The following MYO1B variants were observed in gnomAD, a reference collection of about 807,000 sequenced individuals.
The protein encoded by MYO1B is myosin IB.
A neutral mutation model predicts 159.7 loss-of-function variants in MYO1B; 72 were observed. The observed-to-expected ratio is 0.45, with a 90% CI of 0.37 to 0.55. The LOEUF (loss-of-function observed/expected upper bound fraction) is 0.55, where lower values mean the gene tolerates loss of function less well. Ranked by LOEUF, MYO1B falls within the 20% of genes least tolerant of loss-of-function variation. The pLI is 0.00. For missense variants in MYO1B, 1,062 were observed against 1,364.8 expected, an observed-to-expected ratio of 0.78 and a Z score of 3.50; for synonymous variants, 468 against 473.8, an observed-to-expected ratio of 0.99 and a Z score of 0.16.
At chr2:191,423,679 A>G (rs185014895) in intron 30 of MYO1B, among the ~76,000 whole-genome samples, 158 bp from the exon 31 acceptor site, 33 of 152,326 alleles carry the variant, frequency 2.2e-4, no homozygotes, top group Admixed American at 2.0e-4. Context: ...AGTGCTTTAA[A>G]CATTTCAGAG....
At chr2:191,357,023 T>C (rs1245903635) in intron 7 of MYO1B, among the ~76,000 whole-genome samples, 1 of 152,190 alleles carries the variant, frequency 6.6e-6, no homozygotes, top group African/African-American at 2.4e-5. Flanking sequence ...GATTTTTTCG[T>C]AATTAGCCTT....
At chr2:191,422,285 A>T (rs1255662789) in intron 30 of MYO1B, among the ~76,000 whole-genome samples, 1 of 152,136 alleles carries the variant, frequency 6.6e-6, no homozygotes. Flanking sequence ...GAACTGGAAG[A>T]CCTGGTTTCT....
At chr2:191,293,199 G>T (rs917084791) in intron 2 of MYO1B, among the ~76,000 whole-genome samples, 3 of 152,216 alleles carry the variant, frequency 2.0e-5, no homozygotes, top group Non-Finnish European at 4.4e-5. Context: ...GTCACAGGGA[G>T]AAATTCCAAT....
chr2:191,395,936 A>T (rs1696045993), intron 20 of MYO1B, among the ~76,000 whole-genome samples: 1 of 152,210 alleles, frequency 6.6e-6, no homozygotes, highest in African/African-American at 2.4e-5. Context: ...TATTTAATTG[A>T]TTGATAGCAG....
intron 21 of MYO1B, among the ~76,000 whole-genome samples, chr2:191,397,947 C>G (rs1375027641): frequency 1.3e-4 from 2 of 15,204 alleles, no homozygotes; most frequent in Non-Finnish European, 1.2e-4. Context: ...CCGGGCGGGC[C>G]GACCCCCCCA....
chr2:191,388,317 C>G (rs975277182), intron 17 of MYO1B: 1 of 150,856 alleles, frequency 6.6e-6, no homozygotes, highest in Non-Finnish European at 1.5e-5. Context: ...GGGCTCTTCT[C>G]TTTTTCTGCT....
chr2:191,258,195 A>G (rs1253461090), intron 1 of MYO1B, among the ~76,000 whole-genome samples: 1 of 152,236 alleles, frequency 6.6e-6, no homozygotes, highest in African/African-American at 2.4e-5. Flanking sequence ...AGCCAACACA[A>G]GTATAGCCAA....
At chr2:191,245,893 C>T (rs1042013204) in intron 1 of MYO1B, 3 of 152,406 alleles carry the variant, frequency 2.0e-5, no homozygotes, top group Middle Eastern at 3.4e-3. Flanking sequence ...CTAAGTTGCT[C>T]TTACTTTGCC....
At chr2:191,397,766 C>T (rs1696226945) in intron 21 of MYO1B, among the ~76,000 whole-genome samples, 1 of 145,116 alleles carries the variant, frequency 6.9e-6, no homozygotes, top group Admixed American at 6.7e-5. Context: ...CCAGTAGGGG[C>T]GGCCGGGCAG....
At chr2:191,407,902 A>C in intron 24 of MYO1B, 1 of 380,588 alleles carries the variant, frequency 2.6e-6, no homozygotes, top group Non-Finnish European at 4.7e-6. Context: ...TAAAACATCA[A>C]TTCATGCTGG....
At chr2:191,318,239 G>A (rs1435229261) in intron 3 of MYO1B, among the ~76,000 whole-genome samples, 1 of 152,196 alleles carries the variant, frequency 6.6e-6, no homozygotes, top group Non-Finnish European at 1.5e-5. Context: ...CCAGGGAAAT[G>A]AGCCAGGAAA....
chr2:191,344,164 T>G (rs1355165923), intron 5 of MYO1B, among the ~76,000 whole-genome samples: 1 of 152,156 alleles, frequency 6.6e-6, no homozygotes, highest in Non-Finnish European at 1.5e-5. Context: ...GTTAGCTAAC[T>G]TGGCAGCCCT....
chr2:191,395,209 TTCTAC>T (rs1227696481), intron 20 of MYO1B, among the ~76,000 whole-genome samples: 45 of 152,198 alleles, frequency 3.0e-4, no homozygotes, highest in African/African-American at 9.2e-4. Context: ...ACTGTAGCTG[TTCTAC>T]AGCTACATCT....
intron 3 of MYO1B, among the ~76,000 whole-genome samples, chr2:191,313,087 A>G (rs1490784052): frequency 6.6e-6 from 1 of 151,474 alleles, no homozygotes; most frequent in African/African-American, 2.4e-5. Context: ...CATGAAACAC[A>G]ATTTGATGGG....
At position 191,341,552 on chromosome 2, in the gene MYO1B, C is replaced by A. The variant is rs775588406; in HGVS notation, c.438C>A (p.Asn146Lys). ...TTAAAGAACAGCTTTTACAGTCCAA[C>A]CCGGTCCTGGAAGGTAGGATGTGTT... ...NQVKEQLLQS[N>K]PVLEAFGNAK... Residue 146 changes from asparagine (N) to lysine (K), a missense_variant, in exon 5 of 31, where the codon AAC (asparagine) becomes AAA (lysine). By Grantham distance (94) the Asn-to-Lys change is moderately conservative. Coordinates refer to ENST00000392318, the MANE Select transcript of MYO1B (RefSeq NM_001130158.3). 30 of 1,613,530 alleles carry A rather than the reference C, an allele frequency of 1.9e-5. No homozygotes were observed. The highest frequency in any genetic ancestry group is 2.3e-5 in the Non-Finnish European group (27 of 1,179,724).
At chr2:191,346,304 A>C in intron 6 of MYO1B, 22 bp downstream of exon 6, 2 of 1,527,472 alleles carry the variant, frequency 1.3e-6, no homozygotes, top group Non-Finnish European at 1.8e-6. Flanking sequence ...TATAAGCATA[A>C]GTGTTAACAC....
intron 21 of MYO1B, among the ~76,000 whole-genome samples, chr2:191,398,397 G>C (rs1483815221): frequency 2.9e-5 from 3 of 102,834 alleles, no homozygotes; most frequent in Non-Finnish European, 6.9e-5. Context: ...CCTCCCGGAC[G>C]GGGCGGCTGG....
intron 4 of MYO1B, among the ~76,000 whole-genome samples, chr2:191,337,891 G>C (rs1354150888): frequency 6.6e-6 from 1 of 152,056 alleles, no homozygotes; most frequent in Non-Finnish European, 1.5e-5. Flanking sequence ...GGTTTGATTT[G>C]TATAAGTATA....
At position 191,360,751 on chromosome 2, in the gene MYO1B, GTGTTGTTGTTGTTGTTGTTGT is replaced by G. The variant is rs71403288; in HGVS notation, c.661+40_661+60del. 8.9e-6 allele frequency: 10 copies of G among 1,118,210 alleles called. No individual in the cohort carries two copies. In the Admixed American group the frequency reaches 1.6e-4, roughly 18 times the overall value. 69.3% of individuals were successfully genotyped at this position (1,118,210 alleles called of 1,614,324 possible). On this transcript the variant is annotated intron_variant, in intron 8 of 30. Coordinates refer to ENST00000392318, the MANE Select transcript of MYO1B (RefSeq NM_001130158.3). ...CTCAGTAAGTCTCTGTTTCTATGTGGTGTTGTTGTTGTTGTTGTTGTTGTTGTTGTTGTTGTTGGAGCTGGG... is the reference window on the plus strand; with the variant it reads ...CTCAGTAAGTCTCTGTTTCTATGTGGTGTTGTTGTTGTTGTTGGAGCTGGG...
Sources: gnomAD v4.1 joint callset for allele counts (sites outside exome capture counted in the v4.1 genomes callset) on GRCh38, gnomAD v4.1.1 for gene constraint, MANE v1.5 for transcripts, NCBI Gene and HGNC (gene_info 2026-07-23, HGNC 2026-07-21) for gene names.